SEMA5A: variants seen among roughly 807,000 people sequenced by gnomAD.
The protein encoded by SEMA5A is semaphorin-5A.
A neutral mutation model predicts 135.5 loss-of-function variants in SEMA5A; 55 were observed. The observed-to-expected ratio is 0.41, with a 90% confidence interval of 0.33 to 0.51. The LOEUF (loss-of-function observed/expected upper bound fraction) is 0.51, where lower values mean the gene tolerates loss of function less well. Among genes scored for constraint, SEMA5A ranks in the 20% least tolerant of loss-of-function variants. The probability of loss-of-function intolerance (pLI) is 0.37; values close to 1 mark genes in which losing one functional copy is unlikely to be tolerated. For synonymous variants in SEMA5A, 580 were observed against 546.5 expected, an observed-to-expected ratio of 1.06 and a Z score of -0.85; for missense variants, 1,290 against 1,419.9, an observed-to-expected ratio of 0.91 and a Z score of 1.47.
intron 8 of SEMA5A, among the ~76,000 whole-genome samples, chr5:9,224,008 G>C (rs746208281): frequency 6.6e-6 from 1 of 152,064 alleles, no homozygotes; most frequent in Non-Finnish European, 1.5e-5. Flanking sequence ...GCTCTTCTTC[G>C]AGTGGATGTT....
At chr5:9,358,420 C>G (rs890183101) in intron 3 of SEMA5A, among the ~76,000 whole-genome samples, 1 of 152,180 alleles carries the variant, frequency 6.6e-6, no homozygotes, top group African/African-American at 2.4e-5. Flanking sequence ...GCTGGGATGA[C>G]AGCTGCCACA....
intron 1 of SEMA5A, among the ~76,000 whole-genome samples, chr5:9,531,165 C>T (rs1240544251): frequency 6.6e-6 from 1 of 152,194 alleles, no homozygotes; most frequent in Non-Finnish European, 1.5e-5. Flanking sequence ...AAGGTCTCTG[C>T]ATCAAGCACT....
chr5:9,257,445 A>G (rs2150504819), intron 5 of SEMA5A, among the ~76,000 whole-genome samples: 2 of 127,888 alleles, frequency 1.6e-5, no homozygotes, highest in East Asian at 5.1e-4. Flanking sequence ...ACCCACATAG[A>G]TCTTTTTTTT....
intron 5 of SEMA5A, among the ~76,000 whole-genome samples, chr5:9,256,525 C>G (rs1481951639): frequency 6.6e-6 from 1 of 152,198 alleles, no homozygotes; most frequent in East Asian, 1.9e-4. Context: ...CTTTGCCACC[C>G]TATCTACAAG....
Position 9,239,427 on chromosome 5 carries a change from C to T in SEMA5A, c.271-1537G>A, listed in dbSNP as rs116791610. Among the ~76,000 whole-genome samples, 305 of 152,252 alleles carry T rather than the reference C, an allele frequency of 2.0e-3. 2 individuals are homozygous for T. The highest frequency in any genetic ancestry group is 6.7e-3 in the African/African-American group (277 of 41,554). ...AAAGCAATGACACCTCCAGAGAAAA[C>T]AGCCTCCCATACAGTTGCATAACTA... On this transcript the variant is annotated intron_variant, in intron 5 of 22. Coordinates refer to ENST00000382496, the MANE Select transcript of SEMA5A (RefSeq NM_003966.3).
In SEMA5A at chr5:9,273,353, CTA is replaced by C. The variant is rs1326728338; in HGVS notation, c.271-35465_271-35464del. On this transcript the variant is annotated intron_variant, in intron 5 of 22. Transcript: ENST00000382496. ...ATGGGACTATGTGAAAAGACTAAAT[CTA>C]TGTTTGATTGGGCTACCTTAAAGTG... Among the ~76,000 whole-genome samples, 3 of 152,218 alleles carry C rather than the reference CTA, an allele frequency of 2.0e-5. No individual in the cohort carries two copies. In the East Asian group the frequency reaches 5.8e-4, roughly 29 times the overall value.
At chr5:9,324,069 A>ATT (rs917543524) in intron 4 of SEMA5A, among the ~76,000 whole-genome samples, 2 of 144,302 alleles carry the variant, frequency 1.4e-5, no homozygotes, top group Admixed American at 6.7e-5. Context: ...ACAATATTTT[A>ATT]TTTTATTTTT....
intron 11 of SEMA5A, among the ~76,000 whole-genome samples, chr5:9,172,382 A>ATT (rs535413143): frequency 6.6e-6 from 1 of 152,116 alleles, no homozygotes; most frequent in Non-Finnish European, 1.5e-5. Flanking sequence ...GGTTGAAACT[A>ATT]TTTTTTTCAC....
At chr5:9,134,435 A>T (rs1415390009) in intron 13 of SEMA5A, among the ~76,000 whole-genome samples, 2 of 152,214 alleles carry the variant, frequency 1.3e-5, no homozygotes, top group Admixed American at 1.3e-4. Flanking sequence ...GGCATGAGCC[A>T]CTGTGCCCAG....
At chr5:9,380,741 CA>C (rs1397842727) in intron 2 of SEMA5A, among the ~76,000 whole-genome samples, 1 of 152,162 alleles carries the variant, frequency 6.6e-6, no homozygotes, top group African/African-American at 2.4e-5. Context: ...TAAAGTAATA[CA>C]GGCCTGTAAA....
intron 5 of SEMA5A, among the ~76,000 whole-genome samples, chr5:9,312,738 AT>A (rs932950104): frequency 6.6e-6 from 1 of 151,924 alleles, no homozygotes; most frequent in African/African-American, 2.4e-5. Context: ...AAAAGACAAG[AT>A]TTTTTTTGGC....
chr5:9,255,914 C>T (rs1272901181), intron 5 of SEMA5A, among the ~76,000 whole-genome samples: 1 of 112,896 alleles, frequency 8.9e-6, no homozygotes, highest in East Asian at 3.3e-4. Flanking sequence ...CTTGCTTCTC[C>T]CCTAGTGTTG....
intron 17 of SEMA5A, among the ~76,000 whole-genome samples, chr5:9,066,178 A>C (rs1737452383): frequency 1.3e-5 from 2 of 152,240 alleles, no homozygotes; most frequent in African/African-American, 2.4e-5. Context: ...GTCTATAATA[A>C]ATATAGTGTT....
intron 4 of SEMA5A, among the ~76,000 whole-genome samples, chr5:9,330,178 C>T (rs1246383444): frequency 6.6e-6 from 1 of 151,800 alleles, no homozygotes; most frequent in East Asian, 1.9e-4. Flanking sequence ...ATCGCCAGGT[C>T]AGGAGATTGA....
intron 2 of SEMA5A, among the ~76,000 whole-genome samples, chr5:9,390,640 G>A (rs1012113074): frequency 2.6e-5 from 4 of 151,598 alleles, no homozygotes; most frequent in Non-Finnish European, 4.4e-5. Flanking sequence ...TGTCAATGCC[G>A]ATACCTTTGA....
intron 10 of SEMA5A, among the ~76,000 whole-genome samples, chr5:9,195,527 T>C (rs1239587722): frequency 6.6e-6 from 1 of 152,178 alleles, no homozygotes; most frequent in Non-Finnish European, 1.5e-5. Flanking sequence ...CATTATTCAG[T>C]GTTATCAAAA....
At chr5:9,291,587 AAG>A (rs1250749271) in intron 5 of SEMA5A, among the ~76,000 whole-genome samples, 9 of 139,818 alleles carry the variant, frequency 6.4e-5, no homozygotes, top group Non-Finnish European at 3.2e-5. Flanking sequence ...AGAAGCAGGA[AAG>A]AGAGAGAGAG....
chr5:9,179,653 T>C (rs1019675913), intron 11 of SEMA5A, among the ~76,000 whole-genome samples: 3 of 152,236 alleles, frequency 2.0e-5, no homozygotes, highest in African/African-American at 7.2e-5. Context: ...TTAGTTGTTT[T>C]TATAGCATTT....
chr5:9,123,919 C>G (rs1049484271), intron 13 of SEMA5A, among the ~76,000 whole-genome samples: 2 of 152,068 alleles, frequency 1.3e-5, no homozygotes, highest in Admixed American at 1.3e-4. Context: ...AGAGAACACC[C>G]AACATGCTCA....
Sources: gnomAD v4.1 joint callset for allele counts (sites outside exome capture counted in the v4.1 genomes callset) on GRCh38, gnomAD v4.1.1 for gene constraint, MANE v1.5 for transcripts, NCBI Gene and HGNC (gene_info 2026-07-23, HGNC 2026-07-21) for gene names.